The following SPACA6 variants were observed in gnomAD, a reference collection of about 807,000 sequenced individuals.
SPACA6 encodes sperm acrosome associated 6.
For missense variants in SPACA6, 8 were observed against 2.8 expected (o/e 2.88, Z -1.34); for synonymous variants, 6 against 1.5 (o/e 4.05, Z -2.21).
chr19:51,698,396 T>A (rs753442328), intron 2 of SPACA6, among the ~76,000 whole-genome samples: 7 of 152,038 alleles, frequency 4.6e-5, no homozygotes, highest in Non-Finnish European at 1.0e-4. Flanking sequence ...CCACTTATAC[T>A]CCCCTGGTGG....
At chr19:51,699,185 T>C (rs2083450686) in intron 2 of SPACA6, among the ~76,000 whole-genome samples, 1 of 152,058 alleles carries the variant, frequency 6.6e-6, no homozygotes, top group African/African-American at 2.4e-5. Flanking sequence ...TTTATAAAAA[T>C]TTGTTTAGAG....
intron 2 of SPACA6, among the ~76,000 whole-genome samples, chr19:51,710,681 A>G (rs1405544868): frequency 6.6e-6 from 1 of 152,204 alleles, no homozygotes; most frequent in Non-Finnish European, 1.5e-5. Context: ...TCAGAGCCAT[A>G]ACACTGGAGG....
At chr19:51,691,553 G>A (rs990063431), upstream of SPACA6, among the ~76,000 whole-genome samples, 5 of 152,002 alleles carry the variant, frequency 3.3e-5, no homozygotes, top group Admixed American at 3.3e-4. Flanking sequence ...CAGAAGCGGG[G>A]AGAGGAGAGA....
At chr19:51,705,444 C>G, downstream of SPACA6, 1 of 245,062 alleles carries the variant, frequency 4.1e-6, no homozygotes, top group Non-Finnish European at 7.8e-6. Context: ...GGCTTTCCTC[C>G]TACCAGAAAG....
intron 1 of SPACA6, 188 bp from the exon 2 acceptor site, chr19:51,694,290 G>C (rs2083406423): frequency 1.1e-5 from 3 of 281,758 alleles, no homozygotes; most frequent in Non-Finnish European, 1.3e-5. Context: ...ACTGGTCGGG[G>C]GCAGAGACTC....
intron 2 of SPACA6, among the ~76,000 whole-genome samples, chr19:51,697,278 T>C (rs1270279209): frequency 6.6e-6 from 1 of 152,102 alleles, no homozygotes; most frequent in African/African-American, 2.4e-5. Flanking sequence ...GGCAGCTGTA[T>C]GGGGCCTGGA....
At chr19:51,689,600 G>C, upstream of SPACA6, 1 of 151,454 alleles carries the variant, frequency 6.6e-6, no homozygotes, top group South Asian at 2.1e-4. Context: ...TGCGGAAAGG[G>C]AGGGTGGGGG....
downstream of SPACA6, among the ~76,000 whole-genome samples, chr19:51,707,456 C>T (rs906820146): frequency 1.6e-4 from 24 of 152,172 alleles, no homozygotes; most frequent in African/African-American, 5.8e-4. Context: ...CTCCTGACCT[C>T]AAGTGATTGC....
At chr19:51,692,707 C>T (rs775852621), upstream of SPACA6, 7 of 533,556 alleles carry the variant, frequency 1.3e-5, no homozygotes, top group South Asian at 9.8e-5. This position sits in a 1 kb window ranked among gnomAD's most constrained non-coding sequence, Gnocchi z 5.6. Context: ...CGGCTGGGGC[C>T]TCCCCGGCCC....
rs374066764 is a variant in SPACA6, at chr19:51,697,093, C to T, written c.292+2538C>T. ...GTCCAAGGTAGGGCCCAGACATGGA[C>T]GTTTCTGTCAAGATCCCAGGGAATG... is the stretch of plus-strand genomic sequence containing the variant. On this transcript the variant is annotated intron_variant, in intron 2 of 8. Transcript: ENST00000637797. Among the ~76,000 whole-genome samples, 7 of 152,270 alleles carry T rather than the reference C, an allele frequency of 4.6e-5. No individual in the cohort carries two copies. In the South Asian group the frequency reaches 1.5e-3, roughly 32 times the overall value.
chr19:51,684,258 A>G (rs1447153981), upstream of SPACA6, among the ~76,000 whole-genome samples: 1 of 152,164 alleles, frequency 6.6e-6, no homozygotes, highest in Non-Finnish European at 1.5e-5. Context: ...CGGACTTGCA[A>G]AAACTATAAC....
upstream of SPACA6, chr19:51,687,730 C>T (rs940665822): frequency 5.3e-5 from 8 of 152,192 alleles, no homozygotes; most frequent in African/African-American, 1.9e-4. Context: ...CTCTTAATGT[C>T]CACTAAGTTC....
intron 2 of SPACA6, among the ~76,000 whole-genome samples, chr19:51,696,876 C>T (rs1371956435): frequency 6.6e-6 from 1 of 152,126 alleles, no homozygotes; most frequent in African/African-American, 2.4e-5. Context: ...GATTTTCAGG[C>T]CACAGGGAAT....
chr19:51,694,086 G>A (rs2083403630), intron 1 of SPACA6: 1 of 263,284 alleles, frequency 3.8e-6, no homozygotes, highest in Non-Finnish European at 7.1e-6. Context: ...CGGGAGGATG[G>A]AGAGTCAGGA....
At chr19:51,696,419 A>G (rs113363785) in intron 2 of SPACA6, among the ~76,000 whole-genome samples, 3,516 of 152,146 alleles carry the variant, frequency 0.023, 127 homozygotes, top group African/African-American at 0.078. Context: ...CCATGGAGGA[A>G]AACAGAGAAG....
chr19:51,698,515 A>G (rs1330336802), intron 2 of SPACA6, among the ~76,000 whole-genome samples: 1 of 151,998 alleles, frequency 6.6e-6, no homozygotes, highest in Non-Finnish European at 1.5e-5. Context: ...CTCCTCCAAC[A>G]TCCTGGCCTC....
At chr19:51,699,199 G>A (rs1432728069) in intron 2 of SPACA6, among the ~76,000 whole-genome samples, 1 of 152,098 alleles carries the variant, frequency 6.6e-6, no homozygotes, top group African/African-American at 2.4e-5. Flanking sequence ...TTTAGAGATG[G>A]TGTCTGGATA....
downstream of SPACA6, among the ~76,000 whole-genome samples, chr19:51,707,719 C>G (rs1443016333): frequency 6.6e-6 from 1 of 152,220 alleles, no homozygotes; most frequent in Non-Finnish European, 1.5e-5. Flanking sequence ...AAGACTGCCC[C>G]CACTTCAGAC....
chr19:51,703,270 C>G lies in SPACA6; in HGVS notation c.506C>G (p.Ser169Cys), dbSNP rs1001136931. The G allele has an allele frequency of 5.0e-6, 2 of 399,286 alleles. No homozygotes were observed. Among genetic ancestry groups the G allele is most frequent in the African/African-American group, 4.1e-5 (2 of 48,616 alleles). 24.7% of individuals were successfully genotyped at this position (399,286 alleles called of 1,614,324 possible). A position where few individuals can be genotyped will look rare whatever the true frequency, so the allele number is the denominator to read the frequency against. The change falls in exon 6 of 9, where the codon TCT (serine) becomes TGT (cysteine). Residue 169 changes from serine (S) to cysteine (C), a missense_variant. Coordinates refer to ENST00000637797, the MANE Select transcript of SPACA6 (RefSeq NM_001316972.2). This position sits in a 1 kb window ranked among gnomAD's most constrained non-coding sequence, Gnocchi z 4.2. ...TVTRGDQAMF[S>C]CIVNFQLPKE... ...ACTCGGGGCGACCAGGCTATGTTTTCTTGCATCGTAAACTTCCAGCTGCCA... is the reference window on the plus strand; with the variant it reads ...ACTCGGGGCGACCAGGCTATGTTTTGTTGCATCGTAAACTTCCAGCTGCCA...
Sources: gnomAD v4.1 joint callset for allele counts (sites outside exome capture counted in the v4.1 genomes callset) on GRCh38, gnomAD v4.1.1 for gene constraint, Gnocchi (gnomAD v3.1) non-coding constraint, MANE v1.5 for transcripts, NCBI Gene and HGNC (gene_info 2026-07-23, HGNC 2026-07-21) for gene names.